The following STK33 variants were observed in gnomAD, a reference collection of about 807,000 sequenced individuals.
STK33 encodes serine/threonine kinase 33, also known as serine/threonine-protein kinase 33.
Under a neutral mutation model 58.0 loss-of-function variants are expected in STK33, and 52 were observed. The ratio of observed to expected loss-of-function variants is 0.90; its 90% confidence interval spans 0.72 to 1.13. The LOEUF is 1.13. Ranked by LOEUF, STK33 falls within the 50% of genes most tolerant of loss-of-function variation. The pLI is 0.00. For synonymous variants in STK33, 215 were observed against 200.1 expected (o/e 1.07, Z -0.63); for missense variants, 630 against 604.2 (o/e 1.04, Z -0.45).
intron 1 of STK33, among the ~76,000 whole-genome samples, chr11:8,487,993 G>A (rs1021877915): frequency 1.1e-4 from 16 of 152,050 alleles, no homozygotes; most frequent in African/African-American, 2.4e-4. Flanking sequence ...AAAAATAATC[G>A]TGAAAAGTAA....
chr11:8,433,601 G>C (rs1307105081), intron 14 of STK33, among the ~76,000 whole-genome samples: 5 of 151,988 alleles, frequency 3.3e-5, no homozygotes, highest in African/African-American at 1.2e-4. Context: ...ATCTAATATA[G>C]AACCTTTGAT....
Position 8,558,643 on chromosome 11 carries a change from C to G in STK33, c.-466+35440G>C, listed in dbSNP as rs564225276. ...AGATGCGGGTGGGTGTGGCTCATAA[C>G]TTGTGGTGAACTGAGGTAGCTGGTA... On this transcript the variant is annotated intron_variant, in intron 1 of 15. Transcript: ENST00000687296. Among the ~76,000 whole-genome samples the G allele has an allele frequency of 1.6e-4, 25 of 152,164 alleles. 1 individual carries two copies. Among genetic ancestry groups the G allele is most frequent in the South Asian group, 1.4e-3 (7 of 4,828 alleles).
intron 1 of STK33, among the ~76,000 whole-genome samples, chr11:8,576,393 C>T (rs577180286): frequency 6.6e-6 from 1 of 152,300 alleles, no homozygotes; most frequent in South Asian, 2.1e-4. Context: ...ACTTTCCAAA[C>T]TATTTGATGT....
At chr11:8,403,643 G>A (rs1938541545) in intron 15 of STK33, among the ~76,000 whole-genome samples, 1 of 152,196 alleles carries the variant, frequency 6.6e-6, no homozygotes, top group African/African-American at 2.4e-5. Context: ...GAGGCAGAAT[G>A]ATGGAAAAGA....
chr11:8,487,604 T>G (rs1042195740), intron 1 of STK33, among the ~76,000 whole-genome samples: 2 of 151,994 alleles, frequency 1.3e-5, no homozygotes, highest in Non-Finnish European at 2.9e-5. Flanking sequence ...AAGTCTTCAG[T>G]GGACTGAAGA....
chr11:8,398,111 T>C (rs542301564), intron 15 of STK33, among the ~76,000 whole-genome samples: 30 of 152,100 alleles, frequency 2.0e-4, no homozygotes, highest in Non-Finnish European at 4.0e-4. Flanking sequence ...ATACAGAGAA[T>C]GCCACAAAGA....
chr11:8,508,513 C>A (rs1952049256), intron 1 of STK33, among the ~76,000 whole-genome samples: 1 of 152,004 alleles, frequency 6.6e-6, no homozygotes, highest in South Asian at 2.1e-4. Context: ...CTCTAGCAAT[C>A]CTCCCACCTT....
chr11:8,436,013 G>T lies in STK33; in HGVS notation c.1060+14C>A, dbSNP rs200387229. 8.7e-5 allele frequency: 122 copies of T among 1,404,250 alleles called. No individual in the cohort carries two copies. The highest frequency in any genetic ancestry group is 1.1e-4 in the Non-Finnish European group (119 of 1,044,476). 87.0% of individuals were successfully genotyped at this position (1,404,250 alleles called of 1,614,324 possible). ...TATATTAGCTTTAGTAAATAATAAC[G>T]CATCTATACTTACCACAGTCACTTA... On this transcript the variant is annotated intron_variant, in intron 13 of 15. Transcript: ENST00000687296.
At chr11:8,559,635 A>G (rs1956990488) in intron 1 of STK33, among the ~76,000 whole-genome samples, 1 of 152,158 alleles carries the variant, frequency 6.6e-6, no homozygotes, top group Admixed American at 6.6e-5. Flanking sequence ...ATTAAATTCT[A>G]TTTTCAAAAG....
At chr11:8,354,668 A>T in the STK33 span, among the ~76,000 whole-genome samples, 1 of 152,220 alleles carries the variant, frequency 6.6e-6, no homozygotes, top group African/African-American at 2.4e-5. Flanking sequence ...TGCTGTGAAC[A>T]CAGAGCTGCC....
chr11:8,417,527 T>C (rs904879109), intron 14 of STK33, among the ~76,000 whole-genome samples: 2 of 152,054 alleles, frequency 1.3e-5, no homozygotes, highest in Admixed American at 6.6e-5. Context: ...GAATAATACA[T>C]ATGAGCTGGG....
At chr11:8,559,933 G>A (rs573455596) in intron 1 of STK33, among the ~76,000 whole-genome samples, 5 of 151,724 alleles carry the variant, frequency 3.3e-5, no homozygotes, top group Non-Finnish European at 7.4e-5. Context: ...AAATATTATA[G>A]CCTAACCATT....
intron 1 of STK33, among the ~76,000 whole-genome samples, chr11:8,589,514 G>A (rs1182033735): frequency 1.3e-5 from 2 of 152,166 alleles, no homozygotes; most frequent in African/African-American, 4.8e-5. Context: ...GGAGAACAAG[G>A]CATGACTGCT....
chr11:8,557,051 G>A (rs1173880734), intron 1 of STK33, among the ~76,000 whole-genome samples: 1 of 151,692 alleles, frequency 6.6e-6, no homozygotes, highest in East Asian at 1.9e-4. Flanking sequence ...AGGGGTTCAA[G>A]ACCAGCCTGG....
At chr11:8,585,065 C>G (rs4244806) in intron 1 of STK33, among the ~76,000 whole-genome samples, 90,943 of 150,468 alleles carry the variant, frequency 0.6, 27,701 homozygotes, top group African/African-American at 0.66. Context: ...TGGGATTACA[C>G]GCATGCACCA....
chr11:8,378,195 GC>G, the STK33 span, among the ~76,000 whole-genome samples: 1 of 152,334 alleles, frequency 6.6e-6, no homozygotes, highest in South Asian at 2.1e-4. Context: ...CATGGCAGCA[GC>G]AGGGAGAAGT....
chr11:8,532,197 CAT>C (rs565666816), intron 1 of STK33, among the ~76,000 whole-genome samples: 303 of 152,384 alleles, frequency 2.0e-3, no homozygotes, highest in Non-Finnish European at 3.1e-3. Flanking sequence ...AACATGCACA[CAT>C]GTGATGTTAC....
chr11:8,526,437 A>G (rs1034816749), intron 1 of STK33, among the ~76,000 whole-genome samples: 2 of 152,098 alleles, frequency 1.3e-5, no homozygotes, highest in African/African-American at 4.8e-5. Flanking sequence ...TTGGAAGACT[A>G]TTTAGCATTA....
chr11:8,543,122 G>A (rs1955652299), intron 1 of STK33, among the ~76,000 whole-genome samples: 1 of 151,998 alleles, frequency 6.6e-6, no homozygotes, highest in South Asian at 2.1e-4. Context: ...ATTCCCCTAG[G>A]GTGACAAATA....
Sources: allele counts gnomAD v4.1 joint callset (sites outside exome capture counted in the v4.1 genomes callset), GRCh38; gene constraint gnomAD v4.1.1; transcripts MANE v1.5; gene names NCBI Gene and HGNC (gene_info 2026-07-23, HGNC 2026-07-21).